HHIP: variants seen among roughly 807,000 people sequenced by gnomAD.
HHIP encodes the protein hedgehog interacting protein.
Under a neutral mutation model 74.0 loss-of-function variants are expected in HHIP, and 12 were observed. The ratio of observed to expected loss-of-function variants is 0.16; its 90% CI spans 0.10 to 0.26. The LOEUF (loss-of-function observed/expected upper bound fraction) is 0.26, where lower values mean the gene tolerates loss of function less well. Among genes scored for constraint, HHIP ranks in the 10% least tolerant of loss-of-function variants. The pLI is 1.00. For missense variants in HHIP, 788 were observed against 845.0 expected (o/e 0.93, Z 0.84); for synonymous variants, 309 against 311.6 (o/e 0.99, Z 0.09).
intron 4 of HHIP, among the ~76,000 whole-genome samples, chr4:144,702,266 C>A (rs1730007719): frequency 6.6e-6 from 1 of 152,176 alleles, no homozygotes; most frequent in African/African-American, 2.4e-5. Context: ...TTGGTTAGAA[C>A]TTGGATCTGT....
intron 4 of HHIP, among the ~76,000 whole-genome samples, chr4:144,684,319 C>T (rs928653266): frequency 8.7e-6 from 1 of 115,362 alleles, no homozygotes; most frequent in African/African-American, 3.3e-5. Context: ...AGTGCAGTGG[C>T]GCGATCTCGG....
chr4:144,660,482 G>C (rs887727979), intron 4 of HHIP, among the ~76,000 whole-genome samples: 1 of 151,902 alleles, frequency 6.6e-6, no homozygotes, highest in Non-Finnish European at 1.5e-5. Flanking sequence ...AAATTATGAC[G>C]TTCTAAAATT....
chr4:144,731,926 T>G (rs1282650302), intron 11 of HHIP, among the ~76,000 whole-genome samples: 1 of 152,152 alleles, frequency 6.6e-6, no homozygotes, highest in African/African-American at 2.4e-5. Context: ...CATTATACTT[T>G]TGTGTATGCA....
At position 144,646,372 on chromosome 4, in the gene HHIP, C is replaced by G. The variant is rs1728257589; in HGVS notation, c.-304C>G. On this transcript the variant is annotated 5_prime_UTR_variant, in exon 1 of 13. Coordinates refer to ENST00000296575, the MANE Select transcript of HHIP (RefSeq NM_022475.3). The stretch of plus-strand genomic sequence containing the variant: ...CCTCTTCCAACTCCTTCTCCTCCTC[C>G]CACTTCCCAGCCGCAGCAGAAAGCC... 1 of 311,304 alleles carries G rather than the reference C, an allele frequency of 3.2e-6. No individual in the cohort carries two copies. The highest frequency in any genetic ancestry group is 5.9e-6 in the Non-Finnish European group (1 of 170,572). The allele number at this position is 311,304 out of a possible 1,614,324, so 19.3% of individuals were successfully genotyped here.
intron 4 of HHIP, 108 bp downstream of exon 4, chr4:144,659,946 A>C (rs753655404): frequency 1.6e-5 from 13 of 819,252 alleles, no homozygotes; most frequent in Middle Eastern, 2.4e-4. Context: ...AGAATCTTGC[A>C]GGAGAAAATA....
chr4:144,728,708 G>GA (rs1730866276), intron 11 of HHIP, among the ~76,000 whole-genome samples: 1 of 152,058 alleles, frequency 6.6e-6, no homozygotes, highest in Admixed American at 6.6e-5. Flanking sequence ...GATAGTACTT[G>GA]AAAAATACAT....
chr4:144,721,026 A>G (rs867697660), intron 11 of HHIP, among the ~76,000 whole-genome samples: 9 of 152,122 alleles, frequency 5.9e-5, no homozygotes, highest in Middle Eastern at 3.2e-3. Context: ...CTTGTCAGCT[A>G]AAAAAACAAT....
intron 10 of HHIP, among the ~76,000 whole-genome samples, chr4:144,716,544 G>T (rs1268499125): frequency 6.6e-6 from 1 of 151,982 alleles, no homozygotes; most frequent in Admixed American, 6.6e-5. Context: ...GGCAAACAAT[G>T]ATTTCAAATT....
chr4:144,681,486 C>T (rs1447456987), intron 4 of HHIP, among the ~76,000 whole-genome samples: 2 of 136,360 alleles, frequency 1.5e-5, no homozygotes, highest in Non-Finnish European at 3.0e-5. Flanking sequence ...AGTGCAGTGG[C>T]GTAATCTCGG....
At chr4:144,674,292 T>G (rs375910925) in intron 4 of HHIP, among the ~76,000 whole-genome samples, 39 of 152,322 alleles carry the variant, frequency 2.6e-4, no homozygotes. Flanking sequence ...ATATTTTAAC[T>G]TCTAGCAATT....
rs112752493 is a variant in HHIP, at chr4:144,715,763, G to A, written c.1678+333G>A. 965 of 161,140 alleles carry A rather than the reference G, an allele frequency of 6.0e-3. 14 individuals are homozygous for A. Among genetic ancestry groups the A allele is most frequent in the African/African-American group, 0.022 (911 of 41,902 alleles). 10.0% of individuals were successfully genotyped at this position (161,140 alleles called of 1,614,324 possible). ...TTGATTATACATCTGAGTAGTTTGT[G>A]TATATTCTCTATCTAAAAACCTTTC... On this transcript the variant is annotated intron_variant, in intron 10 of 12. Coordinates refer to ENST00000296575, the MANE Select transcript of HHIP (RefSeq NM_022475.3).
At chr4:144,729,713 A>C (rs777031006) in intron 11 of HHIP, among the ~76,000 whole-genome samples, 8 of 152,172 alleles carry the variant, frequency 5.3e-5, no homozygotes, top group Non-Finnish European at 1.2e-4. Context: ...TCTGTGGATA[A>C]AGGAGTAACA....
At chr4:144,686,276 A>G (rs1729483060) in intron 4 of HHIP, among the ~76,000 whole-genome samples, 1 of 152,194 alleles carries the variant, frequency 6.6e-6, no homozygotes, top group South Asian at 2.1e-4. Context: ...TATTATTATG[A>G]CACCAAACTT....
chr4:144,712,177 C>G (rs1039421491), intron 8 of HHIP, 106 bp downstream of exon 8: 1 of 952,102 alleles, frequency 1.1e-6, no homozygotes, highest in South Asian at 1.5e-5. Context: ...TTTGGGAAAG[C>G]ATAAAAACAC....
intron 4 of HHIP, among the ~76,000 whole-genome samples, chr4:144,696,179 C>T (rs899299119): frequency 2.0e-5 from 3 of 151,910 alleles, no homozygotes; most frequent in African/African-American, 7.2e-5. Context: ...ATTATCTGAG[C>T]AACCTTATGT....
chr4:144,719,824 C>A (rs1234444077), intron 11 of HHIP, among the ~76,000 whole-genome samples: 1 of 152,208 alleles, frequency 6.6e-6, no homozygotes, highest in Non-Finnish European at 1.5e-5. Context: ...ATACTATTTT[C>A]ATGACTCCAT....
At chr4:144,711,844 G>T in intron 7 of HHIP, 106 bp from the exon 8 acceptor site, 1 of 1,057,774 alleles carries the variant, frequency 9.5e-7, no homozygotes, top group South Asian at 1.8e-5. Context: ...ATTGCCATAG[G>T]ATCCTTGCCA....
rs117199932 is a variant in HHIP, at chr4:144,650,667, A to C, written c.280-1938A>C. 15 of 152,242 alleles carry C rather than the reference A, an allele frequency of 9.9e-5. No individual in the cohort carries two copies. In the East Asian group the frequency reaches 2.9e-3, roughly 29 times the overall value. 9.4% of individuals were successfully genotyped at this position (152,242 alleles called of 1,614,324 possible). A position where few individuals can be genotyped will look rare whatever the true frequency, so the allele number is the denominator to read the frequency against. ...TATCTATCTTCAAATAGGTATTTAC[A>C]CTGCAGACCTCACACAGAGCAAAAA... On this transcript the variant is annotated intron_variant, in intron 1 of 12. Transcript: ENST00000296575.
At position 144,737,759 on chromosome 4, in the gene HHIP, C is replaced by G. The variant is rs1420713168; in HGVS notation, c.1910-5C>G. On this transcript the variant is annotated splice_region_variant and splice_polypyrimidine_tract_variant and intron_variant, in intron 12 of 12. Transcript: ENST00000296575. ...TGTGATGTTCTTGCTCTTTTTCTCT[C>G]CCAGCAAAATGTGAGCCAGCATGTC... 6.3e-7 allele frequency: 1 copy of G among 1,592,916 alleles called. No homozygotes were observed. Among genetic ancestry groups the G allele is most frequent in the East Asian group, 2.3e-5 (1 of 44,398 alleles).
Sources: allele counts gnomAD v4.1 joint callset (sites outside exome capture counted in the v4.1 genomes callset), GRCh38; gene constraint gnomAD v4.1.1; transcripts MANE v1.5; gene names NCBI Gene and HGNC (gene_info 2026-07-23, HGNC 2026-07-21).